Variants in ARHGAP24 observed in about 807,000 individuals in gnomAD.
ARHGAP24 encodes Rho GTPase activating protein 24, also known as rho GTPase-activating protein 24.
Under a neutral mutation model 76.4 loss-of-function variants are expected in ARHGAP24, and 50 were observed. The observed-to-expected ratio is 0.65, with a 90% CI of 0.52 to 0.83. The LOEUF (loss-of-function observed/expected upper bound fraction) is 0.83. Among genes scored for constraint, ARHGAP24 ranks in the 40% least tolerant of loss-of-function variants. The pLI, the probability that ARHGAP24 is intolerant of heterozygous loss-of-function variation, is 0.00. For missense variants in ARHGAP24, 930 were observed against 914.2 expected, an observed-to-expected ratio of 1.02 and a Z score of -0.22; for synonymous variants, 345 against 323.3, an observed-to-expected ratio of 1.07 and a Z score of -0.72.
At chr4:85,660,011 G>T (rs188387651) in intron 2 of ARHGAP24, among the ~76,000 whole-genome samples, 19 of 152,318 alleles carry the variant, frequency 1.2e-4, no homozygotes, top group African/African-American at 4.6e-4. Context: ...AGGACTTGTT[G>T]CTAGGGGGAG....
rs141544549 is a variant in ARHGAP24, at chr4:85,579,039, C to T, written c.180+8318C>T. Reference sequence around the variant, plus strand: ...GTAGTATGTCTTTTCTCTTTGTTTACATTACTTTTCTGGGCTCCTTCAGAG... The same window carrying T: ...GTAGTATGTCTTTTCTCTTTGTTTATATTACTTTTCTGGGCTCCTTCAGAG... On this transcript the variant is annotated intron_variant, in intron 2 of 9. Coordinates refer to ENST00000395184, the MANE Select transcript of ARHGAP24 (RefSeq NM_001025616.3). 2.7e-4 allele frequency among the ~76,000 whole-genome samples: 41 copies of T among 152,236 alleles called. No homozygotes were observed. The East Asian group carries it at 6.6e-3, about 24-fold the overall frequency.
At chr4:85,738,278 A>C (rs1002809226) in intron 3 of ARHGAP24, among the ~76,000 whole-genome samples, 1 of 151,768 alleles carries the variant, frequency 6.6e-6, no homozygotes, top group Non-Finnish European at 1.5e-5. Context: ...ATTAATATTG[A>C]CTATCTTTTC....
chr4:85,643,681 T>C (rs1043652029), intron 2 of ARHGAP24, among the ~76,000 whole-genome samples: 25 of 152,188 alleles, frequency 1.6e-4, no homozygotes, highest in African/African-American at 6.0e-4. Context: ...GGATGTGTTT[T>C]TTTTTCCACT....
At chr4:85,719,697 C>A (rs904151803) in intron 2 of ARHGAP24, among the ~76,000 whole-genome samples, 1 of 152,106 alleles carries the variant, frequency 6.6e-6, no homozygotes, top group East Asian at 1.9e-4. Flanking sequence ...TAACTATATG[C>A]CAGGCAAAAT....
rs1156861052 is a variant in ARHGAP24, at chr4:85,850,682, A to G, written c.269-72966A>G. On this transcript the variant is annotated intron_variant, in intron 3 of 9. Coordinates refer to ENST00000395184, the MANE Select transcript of ARHGAP24 (RefSeq NM_001025616.3). ...CTCATTGGTTTCAAAGAACATCTTTATTTCTGCCTTCATTTCATTACATAC... is the reference window on the plus strand; with the variant it reads ...CTCATTGGTTTCAAAGAACATCTTTGTTTCTGCCTTCATTTCATTACATAC... Among the ~76,000 whole-genome samples the G allele has an allele frequency of 2.6e-5, 4 of 152,114 alleles. No individual in the cohort carries two copies. The East Asian group carries it at 7.7e-4, about 29-fold the overall frequency.
chr4:85,517,061 A>G (rs1285668990), intron 1 of ARHGAP24, among the ~76,000 whole-genome samples: 2 of 152,112 alleles, frequency 1.3e-5, no homozygotes, highest in Non-Finnish European at 2.9e-5. Flanking sequence ...TGACACTTTT[A>G]TCATGTAACA....
chr4:85,590,002 A>T (rs1728018164), intron 2 of ARHGAP24, among the ~76,000 whole-genome samples: 1 of 152,228 alleles, frequency 6.6e-6, no homozygotes, highest in Non-Finnish European at 1.5e-5. Flanking sequence ...AATTTAGATT[A>T]TCCCTCTTTT....
intron 3 of ARHGAP24, among the ~76,000 whole-genome samples, chr4:85,905,490 C>T (rs1489767747): frequency 6.6e-6 from 1 of 152,204 alleles, no homozygotes. Context: ...TTCATCCCTT[C>T]CTCTCTTGTT....
intron 3 of ARHGAP24, among the ~76,000 whole-genome samples, chr4:85,792,596 A>G (rs1728178294): frequency 6.6e-6 from 1 of 152,108 alleles, no homozygotes; most frequent in Non-Finnish European, 1.5e-5. Flanking sequence ...AATCCAGCCT[A>G]TGGACTCTCC....
chr4:85,901,996 C>G (rs1734521823), intron 3 of ARHGAP24, among the ~76,000 whole-genome samples: 1 of 152,056 alleles, frequency 6.6e-6, no homozygotes, highest in Non-Finnish European at 1.5e-5. Flanking sequence ...CCCCAACAGG[C>G]CTTGGTATGT....
At chr4:85,796,680 A>G (rs1728354777) in intron 3 of ARHGAP24, among the ~76,000 whole-genome samples, 1 of 152,162 alleles carries the variant, frequency 6.6e-6, no homozygotes, top group South Asian at 2.1e-4. Flanking sequence ...TACTCTAAAG[A>G]ATATAAGAAT....
At position 85,888,285 on chromosome 4, in the gene ARHGAP24, G is replaced by A. The variant is rs369713409; in HGVS notation, c.269-35363G>A. On this transcript the variant is annotated intron_variant, in intron 3 of 9. Coordinates refer to ENST00000395184, the MANE Select transcript of ARHGAP24 (RefSeq NM_001025616.3). Reference sequence around the variant, plus strand: ...ACGTGGTGGCGCACACTTGTAATCCGGCTACTTGGGAGGCTGATACAGGAA... The same window carrying A: ...ACGTGGTGGCGCACACTTGTAATCCAGCTACTTGGGAGGCTGATACAGGAA... Among the ~76,000 whole-genome samples the A allele has an allele frequency of 4.7e-4, 72 of 151,666 alleles. 1 individual carries two copies. Among genetic ancestry groups the A allele is most frequent in the East Asian group, 2.9e-3 (15 of 5,130 alleles).
At chr4:85,497,693 G>T (rs1181430572) in intron 1 of ARHGAP24, among the ~76,000 whole-genome samples, 1 of 152,102 alleles carries the variant, frequency 6.6e-6, no homozygotes, top group Non-Finnish European at 1.5e-5. Flanking sequence ...GGTGGTGCAG[G>T]CCTATAATCC....
At chr4:85,489,217 C>T (rs761046945) in intron 1 of ARHGAP24, among the ~76,000 whole-genome samples, 1 of 152,090 alleles carries the variant, frequency 6.6e-6, no homozygotes, top group Non-Finnish European at 1.5e-5. Context: ...CGAAAAATAA[C>T]GGGTTAATCT....
At chr4:85,529,189 C>A (rs571402563) in intron 1 of ARHGAP24, among the ~76,000 whole-genome samples, 1 of 152,084 alleles carries the variant, frequency 6.6e-6, no homozygotes, top group South Asian at 2.1e-4. Flanking sequence ...ACTTGAATTT[C>A]TTCCCAGAAA....
At chr4:85,978,398 G>A (rs1739458972) in intron 8 of ARHGAP24, among the ~76,000 whole-genome samples, 1 of 152,024 alleles carries the variant, frequency 6.6e-6, no homozygotes, top group Non-Finnish European at 1.5e-5. Flanking sequence ...ACCTGATACC[G>A]TTCCTTTCCT....
chr4:85,898,102 A>G (rs1167282196), intron 3 of ARHGAP24, among the ~76,000 whole-genome samples: 3 of 148,644 alleles, frequency 2.0e-5, no homozygotes, highest in African/African-American at 4.9e-5. Context: ...GGGAGGGGAG[A>G]CTTTGGAAGG....
At chr4:85,700,101 A>G (rs114839805) in intron 2 of ARHGAP24, among the ~76,000 whole-genome samples, 2,229 of 152,238 alleles carry the variant, frequency 0.015, 47 homozygotes, top group African/African-American at 0.05. Flanking sequence ...ATCTGTTTTG[A>G]AGATAGAGCT....
At chr4:85,591,015 C>A (rs1454452009) in intron 2 of ARHGAP24, among the ~76,000 whole-genome samples, 1 of 144,456 alleles carries the variant, frequency 6.9e-6, no homozygotes, top group Non-Finnish European at 1.5e-5. Flanking sequence ...CAGCACTAAC[C>A]TGTAAAATCT....
Sources: gnomAD v4.1 joint callset for allele counts (sites outside exome capture counted in the v4.1 genomes callset) on GRCh38, gnomAD v4.1.1 for gene constraint, MANE v1.5 for transcripts, NCBI Gene and HGNC (gene_info 2026-07-23, HGNC 2026-07-21) for gene names.